The following DBNL variants were observed in gnomAD, a reference collection of about 807,000 sequenced individuals.
The protein encoded by DBNL is drebrin-like protein.
DBNL carries 35 observed loss-of-function variants against 62.2 expected under a neutral mutation model. The observed-to-expected ratio is 0.56, with a 90% CI of 0.43 to 0.75. DBNL has a LOEUF of 0.75. Ranked by LOEUF, DBNL falls within the 30% of genes least tolerant of loss-of-function variation. The probability of loss-of-function intolerance (pLI) is 0.00; values close to 1 mark genes in which losing one functional copy is unlikely to be tolerated. For synonymous variants in DBNL, 197 were observed against 218.0 expected, an observed-to-expected ratio of 0.90 and a Z score of 0.85; for missense variants, 495 against 578.4, an observed-to-expected ratio of 0.86 and a Z score of 1.48.
Position 44,063,031 on chromosome 7 carries a change from G to T in DBNL, c.*2115G>T. 7.8e-7 allele frequency: 1 copy of T among 1,275,426 alleles called. No homozygotes were observed. The allele number at this position is 1,275,426 out of a possible 1,614,324, so 79.0% of individuals were successfully genotyped here. A position where few individuals can be genotyped will look rare whatever the true frequency, so the allele number is the denominator to read the frequency against. On this transcript the variant is annotated 3_prime_UTR_variant, in exon 13 of 13. Transcript: ENST00000448521. Reference sequence around the variant, plus strand: ...ATGGTCCACAGAGCCAGTTCCCCTGGCACCAATTCCTTCCCAGCCCTGAGA... The same window carrying T: ...ATGGTCCACAGAGCCAGTTCCCCTGTCACCAATTCCTTCCCAGCCCTGAGA...
In DBNL at chr7:44,062,982, C is replaced by T; in HGVS notation, c.*2066C>T. 2 of 1,576,510 alleles carry T rather than the reference C, an allele frequency of 1.3e-6. No individual in the cohort carries two copies. Among genetic ancestry groups the T allele is most frequent in the Non-Finnish European group, 1.7e-6 (2 of 1,145,922 alleles). ...AGCCCCTCTGTCCCCAGCCTGTTTA[C>T]ACAGCAGACACTATGTGACCTTTAT... On this transcript the variant is annotated 3_prime_UTR_variant, in exon 13 of 13. Coordinates refer to ENST00000448521, the MANE Select transcript of DBNL (RefSeq NM_001014436.3).
chr7:44,045,520 A>T (rs2096115686), intron 1 of DBNL, among the ~76,000 whole-genome samples: 1 of 152,188 alleles, frequency 6.6e-6, no homozygotes, highest in Non-Finnish European at 1.5e-5. Flanking sequence ...TCTTTGCTTA[A>T]ATTGTTTTTA....
In DBNL at chr7:44,060,630, C is replaced by A. The variant is rs2096146950; in HGVS notation, c.1154-147C>A. ...GGACAGGGTGCAGTGTTGGCCAAGGCTTAGCAGGGTGGCAGGGATATTTCT... is the reference window on the plus strand; with the variant it reads ...GGACAGGGTGCAGTGTTGGCCAAGGATTAGCAGGGTGGCAGGGATATTTCT... On this transcript the variant is annotated intron_variant, in intron 12 of 12. Coordinates refer to ENST00000448521, the MANE Select transcript of DBNL (RefSeq NM_001014436.3). The surrounding 1 kb of genome is among the most constrained non-coding windows in gnomAD (Gnocchi z 6.3). 8.2e-7 allele frequency: 1 copy of A among 1,226,908 alleles called. No homozygotes were observed. Among genetic ancestry groups the A allele is most frequent in the African/African-American group, 1.5e-5 (1 of 66,690 alleles). 76.0% of individuals were successfully genotyped at this position (1,226,908 alleles called of 1,614,324 possible). A position where few individuals can be genotyped will look rare whatever the true frequency, so the allele number is the denominator to read the frequency against.
chr7:44,061,344 A>C lies in DBNL; in HGVS notation c.*428A>C. 5.5e-6 allele frequency: 1 copy of C among 181,408 alleles called. No homozygotes were observed. Among genetic ancestry groups the C allele is most frequent in the Non-Finnish European group, 1.2e-5 (1 of 84,558 alleles). The allele number at this position is 181,408 out of a possible 1,614,324, so 11.2% of individuals were successfully genotyped here. A position where few individuals can be genotyped will look rare whatever the true frequency, so the allele number is the denominator to read the frequency against. ...CCACTGTTTAGAATGACCCTTGGGA[A>C]CAGTGAACGTAGAGAATTGTTTTTA... is the stretch of plus-strand genomic sequence containing the variant. On this transcript the variant is annotated 3_prime_UTR_variant, in exon 13 of 13. Transcript: ENST00000448521.
chr7:44,046,718 TCA>T (rs2096117936), intron 1 of DBNL, among the ~76,000 whole-genome samples: 1 of 152,214 alleles, frequency 6.6e-6, no homozygotes, highest in Non-Finnish European at 1.5e-5. Flanking sequence ...AGGTAGTTAC[TCA>T]GCAGATACTA....
At chr7:44,051,659 G>A (rs1376582019) in intron 2 of DBNL, 171 bp from the exon 3 acceptor site, 2 of 598,056 alleles carry the variant, frequency 3.3e-6, no homozygotes, top group Admixed American at 3.0e-5. Context: ...AATCAGTTTA[G>A]TGAGGGTGGT....
rs377279492 is a variant in DBNL at position 44,060,934 on chromosome 7, G to A, written c.*18G>A. 2.5e-4 allele frequency: 403 copies of A among 1,609,350 alleles called. No individual in the cohort carries two copies. Among genetic ancestry groups the A allele is most frequent in the Non-Finnish European group, 3.3e-4 (393 of 1,177,230 alleles). ...TTGAGTGAGGCTGAGGGCACATCTTGCCCTTCCCCTCTCAGACATGGCTTC... is the reference window on the plus strand; with the variant it reads ...TTGAGTGAGGCTGAGGGCACATCTTACCCTTCCCCTCTCAGACATGGCTTC... On this transcript the variant is annotated 3_prime_UTR_variant, in exon 13 of 13. Coordinates refer to ENST00000448521, the MANE Select transcript of DBNL (RefSeq NM_001014436.3). This position sits in a 1 kb window ranked among gnomAD's most constrained non-coding sequence, Gnocchi z 6.3.
chr7:44,058,292 G>T lies in DBNL; in HGVS notation c.704+12G>T. 1 of 1,576,242 alleles carries T rather than the reference G, an allele frequency of 6.3e-7. No homozygotes were observed. Among genetic ancestry groups the T allele is most frequent in the Non-Finnish European group, 8.6e-7 (1 of 1,160,432 alleles). Reference sequence around the variant, plus strand: ...GCCAGCCCCCAGAGGTGAGCCAGAGGTGGAGGCTGGCCTGGGGGACCCACC... The same window carrying T: ...GCCAGCCCCCAGAGGTGAGCCAGAGTTGGAGGCTGGCCTGGGGGACCCACC... On this transcript the variant is annotated intron_variant, in intron 7 of 12. Coordinates refer to ENST00000448521, the MANE Select transcript of DBNL (RefSeq NM_001014436.3).
chr7:44,056,181 C>T (rs2096135914), intron 4 of DBNL, among the ~76,000 whole-genome samples: 1 of 152,132 alleles, frequency 6.6e-6, no homozygotes, highest in Non-Finnish European at 1.5e-5. Context: ...CGTCCTTTCC[C>T]CAGTGTATGT....
Position 44,065,950 on chromosome 7 carries a change from A to C in DBNL, c.*5034A>C. 1 of 310,458 alleles carries C rather than the reference A, an allele frequency of 3.2e-6. No homozygotes were observed. The highest frequency in any genetic ancestry group is 6.3e-6 in the Non-Finnish European group (1 of 158,468). 19.2% of individuals were successfully genotyped at this position (310,458 alleles called of 1,614,324 possible). The stretch of plus-strand genomic sequence containing the variant: ...CTCTGCTCAGACAGAGGCACAAACA[A>C]AATCCCAACCCCTTTCTCCTGTGAT... On this transcript the variant is annotated 3_prime_UTR_variant, in exon 13 of 13. Transcript: ENST00000448521.
In DBNL at chr7:44,061,081, A is replaced by C; in HGVS notation, c.*165A>C. The C allele has an allele frequency of 4.7e-6, 4 of 854,196 alleles. No individual in the cohort carries two copies. Among genetic ancestry groups the C allele is most frequent in the Non-Finnish European group, 7.0e-6 (4 of 571,396 alleles). The allele number at this position is 854,196 out of a possible 1,614,324, so 52.9% of individuals were successfully genotyped here. A position where few individuals can be genotyped will look rare whatever the true frequency, so the allele number is the denominator to read the frequency against. On this transcript the variant is annotated 3_prime_UTR_variant, in exon 13 of 13. Transcript: ENST00000448521. ...TGGCAGACTCAGCCTGTCACCCCAA[A>C]TGCAGCAATGGCCTGGTGATTCCCA...
At position 44,061,162 on chromosome 7, in the gene DBNL, A is replaced by G. The variant is rs1379154045; in HGVS notation, c.*246A>G. On this transcript the variant is annotated 3_prime_UTR_variant, in exon 13 of 13. Coordinates refer to ENST00000448521, the MANE Select transcript of DBNL (RefSeq NM_001014436.3). The stretch of plus-strand genomic sequence containing the variant: ...AGACAGCTTGGCTCTTGCCCCTGAC[A>G]GGATACTGAGCCAAGCCCTGCCTGT... 3.7e-6 allele frequency: 2 copies of G among 537,606 alleles called. No individual in the cohort carries two copies. The highest frequency in any genetic ancestry group is 3.8e-5 in the African/African-American group (2 of 52,234). The allele number at this position is 537,606 out of a possible 1,614,324, so 33.3% of individuals were successfully genotyped here.
chr7:44,057,443 C>T (rs1470735135), intron 5 of DBNL, among the ~76,000 whole-genome samples: 1 of 152,178 alleles, frequency 6.6e-6, no homozygotes, highest in African/African-American at 2.4e-5. Context: ...TGGTCAGAGG[C>T]CTGCCTCAGA....
rs1483802985 is a variant in DBNL at position 44,056,873 on chromosome 7, C to A, written c.444C>A (p.Arg148=). 2 of 1,614,006 alleles carry A rather than the reference C, an allele frequency of 1.2e-6. No individual in the cohort carries two copies. The highest frequency in any genetic ancestry group is 2.7e-5 in the African/African-American group (2 of 74,928). Residue 148 remains arginine, a synonymous_variant, in exon 5 of 13, where the codon CGC becomes CGA. Transcript: ENST00000448521. The part of the protein sequence containing the change: ...ANYSFHKESG[R]FQDVGPQAPV... ...ACAGCTTTCACAAGGAGAGTGGCCG[C>A]TTCCAGGACGTGGGACCCCAGGCCC...
At position 44,062,483 on chromosome 7, in the gene DBNL, G is replaced by A; in HGVS notation, c.*1567G>A. On this transcript the variant is annotated 3_prime_UTR_variant, in exon 13 of 13. Transcript: ENST00000448521. ...AACTGGCCCCAAGCACGCCAATTCT[G>A]GAGCATGGTTACTAAGTGGCTCTGA... 1 of 478,224 alleles carries A rather than the reference G, an allele frequency of 2.1e-6. No homozygotes were observed. Among genetic ancestry groups the A allele is most frequent in the Non-Finnish European group, 3.9e-6 (1 of 258,778 alleles). 29.6% of individuals were successfully genotyped at this position (478,224 alleles called of 1,614,324 possible). A position where few individuals can be genotyped will look rare whatever the true frequency, so the allele number is the denominator to read the frequency against.
rs536168994 is a variant in DBNL, at chr7:44,063,046, C to T, written c.*2130C>T. 2 of 1,119,862 alleles carry T rather than the reference C, an allele frequency of 1.8e-6. No individual in the cohort carries two copies. The highest frequency in any genetic ancestry group is 1.8e-5 in the Admixed American group (1 of 54,946). 69.4% of individuals were successfully genotyped at this position (1,119,862 alleles called of 1,614,324 possible). ...AGTTCCCCTGGCACCAATTCCTTCCCAGCCCTGAGAACGAGGCCACAGAAA... is the reference window on the plus strand; with the variant it reads ...AGTTCCCCTGGCACCAATTCCTTCCTAGCCCTGAGAACGAGGCCACAGAAA... On this transcript the variant is annotated 3_prime_UTR_variant, in exon 13 of 13. Coordinates refer to ENST00000448521, the MANE Select transcript of DBNL (RefSeq NM_001014436.3).
intron 1 of DBNL, 111 bp from the exon 2 acceptor site, chr7:44,050,114 G>A: frequency 1.6e-6 from 2 of 1,250,606 alleles, no homozygotes; most frequent in East Asian, 4.9e-5. Flanking sequence ...CACCCACAGT[G>A]TTACTGTCAG....
Position 44,050,239 on chromosome 7 carries a change from A to T in DBNL, c.98A>T (p.Tyr33Phe). ...KSPTDWALFT[Y>F]EGNSNDIRVA... ...TTTCGTTTCAGGGCTCTCTTTACCTATGAAGGCAACAGCAATGACATCCGC... is the reference window on the plus strand; with the variant it reads ...TTTCGTTTCAGGGCTCTCTTTACCTTTGAAGGCAACAGCAATGACATCCGC... The change falls in exon 2 of 13, where the codon TAT becomes TTT. Residue 33 changes from tyrosine (Y) to phenylalanine (F), a missense_variant. By Grantham distance (22) the Tyr-to-Phe change is conservative. Coordinates refer to ENST00000448521, the MANE Select transcript of DBNL (RefSeq NM_001014436.3). 6.2e-7 allele frequency: 1 copy of T among 1,613,802 alleles called. No individual in the cohort carries two copies. The highest frequency in any genetic ancestry group is 8.5e-7 in the Non-Finnish European group (1 of 1,179,750).
intron 7 of DBNL, 33 bp downstream of exon 7, chr7:44,058,313 C>T: frequency 3.8e-6 from 6 of 1,581,654 alleles, no homozygotes; most frequent in Middle Eastern, 1.8e-4. Flanking sequence ...CCTGGGGGAC[C>T]CACCCTGAGG....
Sources: gnomAD v4.1 joint callset for allele counts (sites outside exome capture counted in the v4.1 genomes callset) on GRCh38, gnomAD v4.1.1 for gene constraint, Gnocchi (gnomAD v3.1) non-coding constraint, MANE v1.5 for transcripts, NCBI Gene and HGNC (gene_info 2026-07-23, HGNC 2026-07-21) for gene names.